PPP2R2A: variants seen among roughly 807,000 people sequenced by gnomAD.
The protein encoded by PPP2R2A is serine/threonine-protein phosphatase 2A 55 kDa regulatory subunit B alpha isoform.
A neutral mutation model predicts 53.2 loss-of-function variants in PPP2R2A; 9 were observed. That is an observed-to-expected ratio of 0.17 (90% CI 0.10 to 0.30). The LOEUF is 0.30. PPP2R2A is among the 10% of genes least tolerant of loss of function. PPP2R2A has a pLI of 1.00. For synonymous variants in PPP2R2A, 169 were observed against 174.2 expected (o/e 0.97, Z 0.23); for missense variants, 235 against 534.6 (o/e 0.44, Z 5.53).
At chr8:26,333,976 G>A (rs1208128657) in intron 2 of PPP2R2A, among the ~76,000 whole-genome samples, 1 of 152,014 alleles carries the variant, frequency 6.6e-6, no homozygotes, top group Non-Finnish European at 1.5e-5. Context: ...TGCATTAATA[G>A]TGTATAGATA....
intron 2 of PPP2R2A, among the ~76,000 whole-genome samples, chr8:26,294,232 G>C (rs574661577): frequency 1.3e-5 from 2 of 152,290 alleles, no homozygotes; most frequent in Admixed American, 6.5e-5. Context: ...GGCATATTCT[G>C]TGAAGAGATG....
chr8:26,353,442 A>G (rs1442600948), intron 3 of PPP2R2A, among the ~76,000 whole-genome samples: 3 of 152,358 alleles, frequency 2.0e-5, no homozygotes, highest in South Asian at 4.1e-4. Flanking sequence ...GAGAATAGTA[A>G]TAGGCTGTTT....
intron 2 of PPP2R2A, among the ~76,000 whole-genome samples, chr8:26,331,263 A>G (rs905036047): frequency 4.6e-5 from 7 of 152,162 alleles, no homozygotes; most frequent in African/African-American, 1.7e-4. Flanking sequence ...TCCAACCCAC[A>G]TTCATTGTCC....
intron 2 of PPP2R2A, among the ~76,000 whole-genome samples, chr8:26,328,166 A>G (rs1035615552): frequency 3.3e-5 from 5 of 152,224 alleles, no homozygotes; most frequent in African/African-American, 7.2e-5. Context: ...TGATCCATCT[A>G]TTATTCCAGG....
At chr8:26,307,340 C>T (rs933068250) in intron 2 of PPP2R2A, among the ~76,000 whole-genome samples, 1 of 152,214 alleles carries the variant, frequency 6.6e-6, no homozygotes, top group Admixed American at 6.5e-5. Flanking sequence ...TCTTTCTCCA[C>T]TTGAATCTGA....
intron 3 of PPP2R2A, among the ~76,000 whole-genome samples, chr8:26,342,941 C>G (rs1272212764): frequency 6.6e-6 from 1 of 152,080 alleles, no homozygotes; most frequent in Non-Finnish European, 1.5e-5. Flanking sequence ...CCTGCAGTCC[C>G]AACACTTTGG....
chr8:26,325,296 C>T (rs1308000745), intron 2 of PPP2R2A, among the ~76,000 whole-genome samples: 1 of 151,922 alleles, frequency 6.6e-6, no homozygotes, highest in Non-Finnish European at 1.5e-5. Flanking sequence ...GATAGTAAGT[C>T]TCATGAGATT....
At chr8:26,323,720 C>T (rs529526219) in intron 2 of PPP2R2A, among the ~76,000 whole-genome samples, 43 of 152,286 alleles carry the variant, frequency 2.8e-4, no homozygotes, top group African/African-American at 1.0e-3. Context: ...AGTTGGAGTG[C>T]GCCACCTACG....
intron 8 of PPP2R2A, among the ~76,000 whole-genome samples, chr8:26,364,732 C>T (rs1563326894): frequency 6.6e-6 from 1 of 152,172 alleles, no homozygotes; most frequent in Non-Finnish European, 1.5e-5. Flanking sequence ...TACTGCTTTG[C>T]TTTTCAAAGT....
chr8:26,306,320 A>G (rs1802018498), intron 2 of PPP2R2A, among the ~76,000 whole-genome samples: 1 of 151,934 alleles, frequency 6.6e-6, no homozygotes, highest in Non-Finnish European at 1.5e-5. Context: ...TACTAAAAGT[A>G]CAAAAATTAG....
intron 2 of PPP2R2A, among the ~76,000 whole-genome samples, chr8:26,310,280 C>CA (rs1166591932): frequency 0.087 from 2,409 of 27,532 alleles, 446 homozygotes; most frequent in Non-Finnish European, 0.14. Context: ...GACTCCCTCT[C>CA]AAAAAAAAAA....
Position 26,308,398 on chromosome 8 carries a change from GA to G in PPP2R2A, c.82+14659del, listed in dbSNP as rs975130932. ...CAGTAGAACTTCTTTCAAAATTGGA[GA>G]CAATTCTTTAACCCTACTGCTGCTT... On this transcript the variant is annotated intron_variant, in intron 2 of 9. Transcript: ENST00000380737. 1.4e-3 allele frequency among the ~76,000 whole-genome samples: 216 copies of G among 152,314 alleles called. 2 individuals are homozygous for G. Among genetic ancestry groups the G allele is most frequent in the African/African-American group, 4.5e-3 (188 of 41,564 alleles).
chr8:26,360,032 T>TGC lies in PPP2R2A; in HGVS notation c.347-137_347-136insGC. On this transcript the variant is annotated intron_variant, in intron 4 of 9. Transcript: ENST00000380737. This position sits in a 1 kb window ranked among gnomAD's most constrained non-coding sequence, Gnocchi z 4.5. The stretch of plus-strand genomic sequence containing the variant: ...GTTATTCAGCTGATAATAGGAAATT[T>TGC]TTTAGTAAGTTCAGATTAGGGTTTT... 1 of 513,420 alleles carries TGC rather than the reference T, an allele frequency of 1.9e-6. No homozygotes were observed. The allele number at this position is 513,420 out of a possible 1,614,324, so 31.8% of individuals were successfully genotyped here. A position where few individuals can be genotyped will look rare whatever the true frequency, so the allele number is the denominator to read the frequency against.
chr8:26,361,218 A>G (rs1805065706), intron 6 of PPP2R2A, 67 bp downstream of exon 6: 3 of 1,433,990 alleles, frequency 2.1e-6, no homozygotes, highest in Non-Finnish European at 2.8e-6. Context: ...GATTTATTTC[A>G]TCTCTCCTAA....
chr8:26,347,417 GTTTTT>G (rs10706344), intron 3 of PPP2R2A, among the ~76,000 whole-genome samples: 1 of 142,184 alleles, frequency 7.0e-6, no homozygotes, highest in Non-Finnish European at 1.5e-5. Context: ...TGCATGGAGG[GTTTTT>G]TTTTTTTTTC....
At chr8:26,320,461 G>C (rs142429695) in intron 2 of PPP2R2A, among the ~76,000 whole-genome samples, 361 of 152,180 alleles carry the variant, frequency 2.4e-3, no homozygotes, top group African/African-American at 8.2e-3. Context: ...TGTTAAACCA[G>C]AAGTGGGTAT....
chr8:26,315,305 G>A (rs568358153), intron 2 of PPP2R2A, among the ~76,000 whole-genome samples: 9 of 152,146 alleles, frequency 5.9e-5, no homozygotes, highest in Admixed American at 6.5e-5. Context: ...CCAGGGACCC[G>A]CAGTCAGTAT....
At chr8:26,358,035 G>A (rs1017415904) in intron 4 of PPP2R2A, among the ~76,000 whole-genome samples, 3 of 152,022 alleles carry the variant, frequency 2.0e-5, no homozygotes, top group African/African-American at 7.2e-5. Flanking sequence ...AAAAATTTAT[G>A]TCATATTTAT....
chr8:26,359,823 T>G (rs1160622548), intron 4 of PPP2R2A, among the ~76,000 whole-genome samples: 1 of 152,236 alleles, frequency 6.6e-6, no homozygotes, highest in Non-Finnish European at 1.5e-5. Flanking sequence ...TGAACATGTA[T>G]ATGTTTACAT....
Sources: allele counts gnomAD v4.1 joint callset (sites outside exome capture counted in the v4.1 genomes callset), GRCh38; gene constraint gnomAD v4.1.1; non-coding constraint Gnocchi (gnomAD v3.1); transcripts MANE v1.5; gene names NCBI Gene and HGNC (gene_info 2026-07-23, HGNC 2026-07-21).